Variants in MYO18B observed in about 807,000 individuals in gnomAD.
MYO18B encodes unconventional myosin-XVIIIb.
A neutral mutation model predicts 273.0 loss-of-function variants in MYO18B; 204 were observed. The ratio of observed to expected loss-of-function variants is 0.75; its 90% confidence interval spans 0.67 to 0.84. The LOEUF (loss-of-function observed/expected upper bound fraction) is 0.84, where lower values mean the gene tolerates loss of function less well. MYO18B is among the 40% of genes least tolerant of loss of function. MYO18B has a pLI of 0.00. For synonymous variants in MYO18B, 1,330 were observed against 1,305.7 expected, an observed-to-expected ratio of 1.02 and a Z score of -0.40; for missense variants, 3,212 against 3,287.6, an observed-to-expected ratio of 0.98 and a Z score of 0.56.
chr22:25,784,716 G>A (rs558838967), intron 10 of MYO18B, among the ~76,000 whole-genome samples: 1 of 152,176 alleles, frequency 6.6e-6, no homozygotes, highest in African/African-American at 2.4e-5. Context: ...ATTCGAAGGG[G>A]CAGGGGGCAT....
intron 18 of MYO18B, among the ~76,000 whole-genome samples, chr22:25,844,100 A>C (rs2090165267): frequency 6.6e-6 from 1 of 152,312 alleles, no homozygotes; most frequent in Non-Finnish European, 1.5e-5. Context: ...TGAGGAGAAA[A>C]GCTGGCCTCC....
At chr22:26,036,680 G>C in the MYO18B span, among the ~76,000 whole-genome samples, 1 of 152,044 alleles carries the variant, frequency 6.6e-6, no homozygotes, top group African/African-American at 2.4e-5. Flanking sequence ...TGCTGCAAAG[G>C]GTAGGGGAAG....
At chr22:25,836,304 T>C (rs12167251) in intron 17 of MYO18B, among the ~76,000 whole-genome samples, 33,511 of 152,068 alleles carry the variant, frequency 0.22, 4,067 homozygotes, top group Admixed American at 0.29. Context: ...CCCCTGGCCC[T>C]TTTTTCTCTA....
chr22:25,908,874 A>G (rs1366064491), intron 32 of MYO18B, among the ~76,000 whole-genome samples: 1 of 152,232 alleles, frequency 6.6e-6, no homozygotes, highest in Non-Finnish European at 1.5e-5. Flanking sequence ...CATCATTATT[A>G]CTATTTTAAG....
chr22:25,998,635 T>C (rs963791250), intron 40 of MYO18B, among the ~76,000 whole-genome samples: 1 of 152,224 alleles, frequency 6.6e-6, no homozygotes, highest in Non-Finnish European at 1.5e-5. Flanking sequence ...TCTGAGTTAA[T>C]TTATTCATGA....
At chr22:25,942,321 A>G (rs2092654124) in intron 34 of MYO18B, among the ~76,000 whole-genome samples, 1 of 152,190 alleles carries the variant, frequency 6.6e-6, no homozygotes, top group Non-Finnish European at 1.5e-5. Flanking sequence ...GGAATGATGC[A>G]TATTTCCACC....
intron 32 of MYO18B, 104 bp from the exon 33 acceptor site, chr22:25,910,842 C>A: frequency 1.1e-6 from 1 of 896,466 alleles, no homozygotes; most frequent in Non-Finnish European, 1.8e-6. Context: ...TGGAACAAAG[C>A]CACAAGCTCT....
chr22:25,889,063 C>G (rs2091583744), intron 25 of MYO18B, among the ~76,000 whole-genome samples: 1 of 151,774 alleles, frequency 6.6e-6, no homozygotes, highest in Admixed American at 6.6e-5. Flanking sequence ...AAAAAAATCT[C>G]AATTAACAGT....
chr22:25,763,973 T>A (rs2086417612), intron 3 of MYO18B, among the ~76,000 whole-genome samples: 1 of 152,214 alleles, frequency 6.6e-6, no homozygotes. Flanking sequence ...GAATCCTTCA[T>A]ACCAGGTGGT....
intron 40 of MYO18B, among the ~76,000 whole-genome samples, chr22:25,997,367 A>G (rs984400720): frequency 1.3e-5 from 2 of 150,186 alleles, no homozygotes; most frequent in Admixed American, 1.3e-4. Context: ...CCTTGTTAAA[A>G]AATTATTTAA....
chr22:25,989,954 C>G (rs1353803411), intron 39 of MYO18B, among the ~76,000 whole-genome samples: 2 of 152,146 alleles, frequency 1.3e-5, no homozygotes, highest in Non-Finnish European at 2.9e-5. Context: ...GCCCCAACCT[C>G]GGGTTGTCTC....
the MYO18B span, among the ~76,000 whole-genome samples, chr22:26,062,129 A>G: frequency 3.3e-5 from 5 of 152,216 alleles, no homozygotes; most frequent in African/African-American, 1.2e-4. Context: ...CTGTCTGTCC[A>G]GATTCCATCT....
intron 42 of MYO18B, among the ~76,000 whole-genome samples, chr22:26,025,847 A>G (rs904715887): frequency 6.6e-6 from 1 of 152,236 alleles, no homozygotes; most frequent in Non-Finnish European, 1.5e-5. Flanking sequence ...GTGTAGTCCC[A>G]GAATAGAAAC....
chr22:25,962,849 G>A (rs1008203797), intron 39 of MYO18B, among the ~76,000 whole-genome samples: 3 of 152,184 alleles, frequency 2.0e-5, no homozygotes, highest in African/African-American at 7.2e-5. Context: ...CTTGCATTCA[G>A]CAAGTGTCTA....
At chr22:25,797,893 G>C in intron 11 of MYO18B, 60 bp from the exon 12 acceptor site, 1 of 1,612,568 alleles carries the variant, frequency 6.2e-7, no homozygotes, top group Non-Finnish European at 8.5e-7. Context: ...TTCAAGTTGT[G>C]AGCTTGTGTT....
chr22:25,818,450 C>T (rs957915041), intron 12 of MYO18B, among the ~76,000 whole-genome samples: 1 of 152,208 alleles, frequency 6.6e-6, no homozygotes, highest in Admixed American at 6.5e-5. Flanking sequence ...TTTGACTTTA[C>T]TGGGTCTGTT....
intron 22 of MYO18B, 35 bp from the exon 23 acceptor site, chr22:25,874,248 TCAG>T (rs766977384): frequency 3.1e-6 from 5 of 1,612,642 alleles, no homozygotes; most frequent in Non-Finnish European, 4.2e-6. Context: ...ACAGCCTTCT[TCAG>T]CAGAGGACTC....
rs559576875 is a variant in MYO18B, at chr22:25,850,632, C to T, written c.3776-838C>T. 2.6e-5 allele frequency among the ~76,000 whole-genome samples: 4 copies of T among 152,266 alleles called. No homozygotes were observed. In the South Asian group the frequency reaches 8.3e-4, roughly 32 times the overall value. On this transcript the variant is annotated intron_variant, in intron 20 of 43. Transcript: ENST00000335473. ...TCGCTCTGTCACCCAGGCTGGAGTGCAGTGGCACGATCGTGGCTTGCTGCA... is the reference window on the plus strand; with the variant it reads ...TCGCTCTGTCACCCAGGCTGGAGTGTAGTGGCACGATCGTGGCTTGCTGCA...
the MYO18B span, among the ~76,000 whole-genome samples, chr22:26,052,728 G>A: frequency 6.6e-6 from 1 of 152,004 alleles, no homozygotes; most frequent in Non-Finnish European, 1.5e-5. Flanking sequence ...AGCTGCTACT[G>A]TATGGAAGGA....
Sources: gnomAD v4.1 joint callset for allele counts (sites outside exome capture counted in the v4.1 genomes callset) on GRCh38, gnomAD v4.1.1 for gene constraint, MANE v1.5 for transcripts, NCBI Gene and HGNC (gene_info 2026-07-23, HGNC 2026-07-21) for gene names.